Variants in MMUT observed in about 807,000 individuals in gnomAD.
The protein encoded by MMUT is methylmalonyl-CoA mutase, mitochondrial.
In MMUT, 79 loss-of-function variants were observed where a neutral mutation model predicts 79.9. The ratio of observed to expected loss-of-function variants is 0.99; its 90% confidence interval spans 0.82 to 1.19. The LOEUF is 1.19. MMUT is among the 50% of genes most tolerant of loss of function. The pLI, the probability that MMUT is intolerant of heterozygous loss-of-function variation, is 0.00. For missense variants in MMUT, 860 were observed against 917.2 expected (o/e 0.94, Z 0.81); for synonymous variants, 273 against 295.7 (o/e 0.92, Z 0.79).
At position 49,459,240 on chromosome 6, in the gene MMUT, C is replaced by T. The variant is rs1252414363; in HGVS notation, c.227G>A (p.Arg76Lys). The T allele has an allele frequency of 1.2e-6, 2 of 1,614,042 alleles. No individual in the cohort carries two copies. Among genetic ancestry groups the T allele is most frequent in the African/African-American group, 2.7e-5 (2 of 74,910 alleles). The change falls in exon 2 of 13, where the codon AGA (arginine) becomes AAA (lysine). Residue 76 changes from arginine (R) to lysine (K), a missense_variant. Arg to Lys is a conservative substitution (Grantham distance 26). Transcript: ENST00000274813. ...GISIKPLYSK[R>K]DTMDLPEELP... ...TTCTTCAGGTAAGTCCATAGTATCT[C>T]TCTTGGAATACAAGGGTTTTATAGA...
chr6:49,457,231 C>G (rs1767711662), intron 3 of MMUT, among the ~76,000 whole-genome samples: 1 of 152,132 alleles, frequency 6.6e-6, no homozygotes, highest in Non-Finnish European at 1.5e-5. Flanking sequence ...GGATTTTTCC[C>G]ATCATTCTTA....
At position 49,453,681 on chromosome 6, in the gene MMUT, C is replaced by G. The variant is rs750475071; in HGVS notation, c.987G>C (p.Trp329Cys). 1 of 1,613,020 alleles carries G rather than the reference C, an allele frequency of 6.2e-7. No homozygotes were observed. Among genetic ancestry groups the G allele is most frequent in the Non-Finnish European group, 8.5e-7 (1 of 1,179,422 alleles). ...GAAACATTTTCTCTATTAAGTGAGC[C>G]CAGAGTCTTCTACCAGCTCTCATCT... ...IAKMRAGRRL[W>C]AHLIEKMFQP... Residue 329 changes from tryptophan (W) to cysteine (C), a missense_variant, in exon 5 of 13, where the codon TGG (tryptophan) becomes TGC (cysteine). Coordinates refer to ENST00000274813, the MANE Select transcript of MMUT (RefSeq NM_000255.4).
At chr6:49,438,181 A>G (rs1416607071) in intron 11 of MMUT, among the ~76,000 whole-genome samples, 1 of 152,140 alleles carries the variant, frequency 6.6e-6, no homozygotes, top group Non-Finnish European at 1.5e-5. Context: ...TGTAGTAGAG[A>G]AGGCTTTTCA....
At chr6:49,449,362 T>C (rs1000516548) in intron 6 of MMUT, among the ~76,000 whole-genome samples, 2 of 152,156 alleles carry the variant, frequency 1.3e-5, no homozygotes, top group Non-Finnish European at 2.9e-5. Context: ...TAGCTTCATA[T>C]ATGAAGGCAG....
intron 6 of MMUT, 65 bp from the exon 7 acceptor site, chr6:49,448,992 T>C: frequency 1.0e-6 from 1 of 993,322 alleles, no homozygotes; most frequent in South Asian, 1.4e-5. Flanking sequence ...CTATATAAAT[T>C]TGTTATGAGT....
chr6:49,461,723 C>T (rs1767849037), intron 1 of MMUT, among the ~76,000 whole-genome samples: 1 of 152,136 alleles, frequency 6.6e-6, no homozygotes, highest in Admixed American at 6.5e-5. Flanking sequence ...GAGCAGAGAT[C>T]GTGCCACTGC....
chr6:49,438,458 A>T (rs1294854887), intron 11 of MMUT, among the ~76,000 whole-genome samples: 2 of 152,226 alleles, frequency 1.3e-5, no homozygotes, highest in Non-Finnish European at 2.9e-5. Flanking sequence ...CCCACAAAAT[A>T]TTAGTCAAAT....
chr6:49,456,606 AG>A (rs1767697887), intron 3 of MMUT, among the ~76,000 whole-genome samples: 1 of 152,194 alleles, frequency 6.6e-6, no homozygotes, highest in Non-Finnish European at 1.5e-5. Flanking sequence ...ACCTCATAAG[AG>A]GTTGTAGACC....
At position 49,459,421 on chromosome 6, in the gene MMUT, G is replaced by C. The variant is rs773920536; in HGVS notation, c.46C>G (p.Leu16Val). 2.5e-6 allele frequency: 4 copies of C among 1,613,400 alleles called. No individual in the cohort carries two copies. Among genetic ancestry groups the C allele is most frequent in the Non-Finnish European group, 3.4e-6 (4 of 1,179,940 alleles). ...CCTGATGATTCTTTTACCTGCCTCA[G>C]GTAATGAGGTGAAAGTAAAAAAAGC... ...NQLFLLSPHYLRQVKESSGSR... is the reference protein window; with the variant it reads ...NQLFLLSPHYVRQVKESSGSR... The change falls in exon 2 of 13, where the codon CTG becomes GTG. Residue 16 changes from leucine to valine, a missense_variant. Physicochemically the swap from Leu to Val is conservative, Grantham distance 32. Transcript: ENST00000274813.
rs1431574409 is a variant in MMUT at position 49,459,469 on chromosome 6, T to C, written c.-3A>G. ...AGCTGATTCTTAGCTCTTAACATGG[T>C]GGAGCATGGAAACACCCAATAGAAA... On this transcript the variant is annotated 5_prime_UTR_variant, in exon 2 of 13. Coordinates refer to ENST00000274813, the MANE Select transcript of MMUT (RefSeq NM_000255.4). The C allele has an allele frequency of 6.2e-7, 1 of 1,609,324 alleles. No individual in the cohort carries two copies. Among genetic ancestry groups the C allele is most frequent in the African/African-American group, 1.3e-5 (1 of 74,804 alleles).
In MMUT at chr6:49,436,893, C is replaced by T. The variant is rs1048715286; in HGVS notation, c.1957-1270G>A. On this transcript the variant is annotated intron_variant, in intron 11 of 12. Transcript: ENST00000274813. ...AATTGGGAGCTAAATTATGAGAACA[C>T]ATGGACACAAACAAGGCAAAGAGGG... Among the ~76,000 whole-genome samples, 8 of 152,130 alleles carry T rather than the reference C, an allele frequency of 5.3e-5. No individual in the cohort carries two copies. The South Asian group carries it at 1.5e-3, about 28-fold the overall frequency.
At chr6:49,453,907 TG>T in intron 4 of MMUT, 151 bp from the exon 5 acceptor site, 1 of 651,708 alleles carries the variant, frequency 1.5e-6, no homozygotes, top group South Asian at 2.3e-5. Flanking sequence ...CGTACATTTA[TG>T]TAACTTTAAA....
intron 5 of MMUT, among the ~76,000 whole-genome samples, chr6:49,453,044 T>G (rs1767594391): frequency 7.4e-6 from 1 of 135,340 alleles, no homozygotes; most frequent in African/African-American, 2.7e-5. Context: ...TCTTTGTTTT[T>G]TTTTTTTTTT....
rs1767782843 is a variant in MMUT, at chr6:49,459,445, G to C, written c.22C>G (p.Leu8Val). MLRAKNQ[L>V]FLLSPHYLRQ... ...AGGTAATGAGGTGAAAGTAAAAAAA[G>C]CTGATTCTTAGCTCTTAACATGGTG... Residue 8 changes from leucine to valine, a missense_variant, in exon 2 of 13, where the codon CTT (leucine) becomes GTT (valine). By Grantham distance (32) the Leu-to-Val change is conservative. Transcript: ENST00000274813. 6.2e-7 allele frequency: 1 copy of C among 1,612,760 alleles called. No individual in the cohort carries two copies. The highest frequency in any genetic ancestry group is 1.3e-5 in the African/African-American group (1 of 75,018).
intron 11 of MMUT, among the ~76,000 whole-genome samples, chr6:49,438,639 C>T (rs1767194840): frequency 6.6e-6 from 1 of 152,048 alleles, no homozygotes; most frequent in Non-Finnish European, 1.5e-5. Context: ...TACTCCATGT[C>T]AACTTGGTTG....
At chr6:49,459,049 T>C (rs483352786) in intron 2 of MMUT, 33 bp downstream of exon 2, 2 of 1,603,466 alleles carry the variant, frequency 1.2e-6, no homozygotes, top group East Asian at 2.2e-5. Flanking sequence ...ATATGACTTA[T>C]CATAAATATT....
At position 49,430,543 on chromosome 6, in the gene MMUT, G is replaced by A. The variant is rs1235063631; in HGVS notation, c.*1185C>T. On this transcript the variant is annotated 3_prime_UTR_variant, in exon 13 of 13. Coordinates refer to ENST00000274813, the MANE Select transcript of MMUT (RefSeq NM_000255.4). ...ATCTGAAAATGGGAACAATAATCAT[G>A]ACAATACCATTCAGATAATCATATT... 6.6e-6 allele frequency: 1 copy of A among 152,074 alleles called. No individual in the cohort carries two copies. Among genetic ancestry groups the A allele is most frequent in the Admixed American group, 6.6e-5 (1 of 15,248 alleles). 9.4% of individuals were successfully genotyped at this position (152,074 alleles called of 1,614,324 possible).
chr6:49,444,877 G>T, intron 8 of MMUT, 123 bp from the exon 9 acceptor site: 1 of 662,528 alleles, frequency 1.5e-6, no homozygotes, highest in East Asian at 2.7e-5. Flanking sequence ...CCAAATTTAA[G>T]AGGAAAAAAT....
At chr6:49,445,254 G>GA (rs1767382404) in intron 8 of MMUT, among the ~76,000 whole-genome samples, 1 of 152,008 alleles carries the variant, frequency 6.6e-6, no homozygotes, top group African/African-American at 2.4e-5. Context: ...TCTCGAGAGC[G>GA]AAAGAGGGAC....
Sources: gnomAD v4.1 joint callset for allele counts (sites outside exome capture counted in the v4.1 genomes callset) on GRCh38, gnomAD v4.1.1 for gene constraint, MANE v1.5 for transcripts, NCBI Gene and HGNC (gene_info 2026-07-23, HGNC 2026-07-21) for gene names.